MAP4K2: variants seen among roughly 807,000 people sequenced by gnomAD.
The protein encoded by MAP4K2 is B lymphocyte serine/threonine protein kinase.
In MAP4K2, 85 loss-of-function variants were observed where a neutral mutation model predicts 125.3. The ratio of observed to expected loss-of-function variants is 0.68; its 90% CI spans 0.57 to 0.81. The LOEUF (loss-of-function observed/expected upper bound fraction) is 0.81. Among genes scored for constraint, MAP4K2 ranks in the 40% least tolerant of loss-of-function variants. MAP4K2 has a pLI of 0.00. For synonymous variants in MAP4K2, 479 were observed against 445.1 expected (o/e 1.08, Z -0.96); for missense variants, 923 against 1,056.4 (o/e 0.87, Z 1.75).
chr11:64,800,023 C>CA, intron 12 of MAP4K2, 86 bp downstream of exon 12: 2 of 1,109,648 alleles, frequency 1.8e-6, no homozygotes. Flanking sequence ...GGAATGGTGC[C>CA]AGTTAAAGGA....
At chr11:64,798,413 C>T (rs1412163383) in intron 15 of MAP4K2, among the ~76,000 whole-genome samples, 1 of 152,214 alleles carries the variant, frequency 6.6e-6, no homozygotes, top group Non-Finnish European at 1.5e-5. Flanking sequence ...ATCCGCCCAC[C>T]TCGGCCTCCC....
Position 64,803,159 on chromosome 11 carries a change from C to G in MAP4K2, c.-10G>C. On this transcript the variant is annotated 5_prime_UTR_variant, in exon 1 of 32. Transcript: ENST00000294066. The stretch of plus-strand genomic sequence containing the variant: ...CCCGCAGCAGCGCCATGGCCCGGCG[C>G]CGGGCGGGCCGGCAGGCGGGCGGGC... 1.6e-6 allele frequency: 2 copies of G among 1,253,488 alleles called. No homozygotes were observed. Among genetic ancestry groups the G allele is most frequent in the Non-Finnish European group, 2.0e-6 (2 of 995,072 alleles). The allele number at this position is 1,253,488 out of a possible 1,614,324, so 77.6% of individuals were successfully genotyped here. A position where few individuals can be genotyped will look rare whatever the true frequency, so the allele number is the denominator to read the frequency against.
In MAP4K2 at chr11:64,789,525, G is replaced by A. The variant is rs752149077; in HGVS notation, c.*12C>T. The A allele has an allele frequency of 8.9e-6, 14 of 1,566,288 alleles. No individual in the cohort carries two copies. Among genetic ancestry groups the A allele is most frequent in the Middle Eastern group, 1.7e-4 (1 of 5,896 alleles). ...GGGTGGGGCGGGGAGCCCCTGGACA[G>A]GCCCGCTGCTCTTAGTAGGTGCTCT... On this transcript the variant is annotated 3_prime_UTR_variant, in exon 32 of 32. Coordinates refer to ENST00000294066, the MANE Select transcript of MAP4K2 (RefSeq NM_004579.5).
chr11:64,797,636 G>T lies in MAP4K2; in HGVS notation c.1126C>A (p.Leu376Met). ...GSLLQSVQEA[L>M]EERSLTIRSA... is the part of the protein sequence containing the mutation. Reference sequence around the variant, plus strand: ...GCCCACATCCCTCACCTTTCCTCCAGGGCCTCCTGGACCGACTGCAGCAGG... The same window carrying T: ...GCCCACATCCCTCACCTTTCCTCCATGGCCTCCTGGACCGACTGCAGCAGG... The change falls in exon 16 of 32, where the codon CTG (leucine) becomes ATG (methionine). Residue 376 changes from leucine (L) to methionine (M), a missense_variant. Leu to Met is a conservative substitution (Grantham distance 15). Transcript: ENST00000294066. The T allele has an allele frequency of 6.3e-7, 1 of 1,582,772 alleles. No individual in the cohort carries two copies. Among genetic ancestry groups the T allele is most frequent in the East Asian group, 2.3e-5 (1 of 43,466 alleles).
intron 10 of MAP4K2, 102 bp downstream of exon 10, chr11:64,800,662 G>C: frequency 6.8e-7 from 1 of 1,462,460 alleles, no homozygotes; most frequent in Admixed American, 2.0e-5. Flanking sequence ...AGCCCAGAAA[G>C]GACAGGGCTC....
intron 4 of MAP4K2, 80 bp downstream of exon 4, chr11:64,802,339 C>A (rs1941253381): frequency 1.4e-6 from 2 of 1,422,490 alleles, no homozygotes; most frequent in East Asian, 2.5e-5. Flanking sequence ...AGTCCAGGGC[C>A]CAGAGTCCCC....
rs375333253 is a variant in MAP4K2, at chr11:64,802,649, G to C, written c.159C>G (p.Asp53Glu). Residue 53 changes from aspartate to glutamate, a missense_variant, in exon 3 of 32, where the codon GAC becomes GAG. By Grantham distance (45) the Asp-to-Glu change is conservative. This residue lies in a region of MAP4K2 where 833 missense variants were observed against 911.4 expected (regional missense o/e 0.91). Transcript: ENST00000294066. The stretch of plus-strand genomic sequence containing the variant: ...TTTCCTGCTGGAGGGAGCTGATGTC[G>C]TCCCCTGGGAAGCACAAAGCATCAT... ...AVKIVKLDPG[D>E]DISSLQQEIT... The C allele has an allele frequency of 5.4e-5, 87 of 1,612,126 alleles. No homozygotes were observed. Among genetic ancestry groups the C allele is most frequent in the Non-Finnish European group, 7.0e-5 (82 of 1,179,314 alleles).
At position 64,790,424 on chromosome 11, in the gene MAP4K2, C is replaced by G; in HGVS notation, c.2131G>C (p.Asp711His). The change falls in exon 28 of 32, where the codon GAC becomes CAC. Residue 711 changes from aspartate to histidine, a missense_variant. Asp to His is a moderately conservative substitution (Grantham distance 81). This residue lies in a region of MAP4K2 where 90 missense variants were observed against 144.9 expected (regional missense o/e 0.62). Transcript: ENST00000294066. ...AAGCTGACTAGGATTGTGTCCCTGT[C>G]CACCTGGATCACCTGCTGGGCCGAG... is the stretch of plus-strand genomic sequence containing the variant. ...PGSAQQVIQV[D>H]RDTILVSFER... 2 of 1,614,130 alleles carry G rather than the reference C, an allele frequency of 1.2e-6. No homozygotes were observed. The highest frequency in any genetic ancestry group is 1.7e-6 in the Non-Finnish European group (2 of 1,180,002).
rs1240560522 is a variant in MAP4K2, at chr11:64,802,595, G to A, written c.213C>T (p.Pro71=). 6.2e-7 allele frequency: 1 copy of A among 1,611,976 alleles called. No homozygotes were observed. Among genetic ancestry groups the A allele is most frequent in the Non-Finnish European group, 8.5e-7 (1 of 1,179,212 alleles). ...AGCTGCCAATGTAGGCCACCACATT[G>A]GGGTGGCGGCACTCACGCAGGATGG... ...EITILRECRH[P]NVVAYIGSYL... The change falls in exon 3 of 32, where the codon CCC becomes CCT. Residue 71 remains proline (P), a synonymous_variant. Transcript: ENST00000294066.
intron 5 of MAP4K2, 123 bp downstream of exon 5, chr11:64,801,943 G>A (rs1565626864): frequency 6.8e-6 from 8 of 1,179,124 alleles, no homozygotes; most frequent in East Asian, 5.1e-5. Context: ...TTTTCCCCAG[G>A]ACCTACAGCC....
At position 64,787,023 on chromosome 11, in the gene MAP4K2, A is replaced by ATT. The variant is rs985438141; in HGVS notation, c.*2512_*2513dup. The stretch of plus-strand genomic sequence containing the variant: ...TTCATATTCTCCAGGATATATATAT[A>ATT]TTTTTTTCTCTTTTTTTTTTTTTTG... On this transcript the variant is annotated 3_prime_UTR_variant, in exon 32 of 32. Coordinates refer to ENST00000294066, the MANE Select transcript of MAP4K2 (RefSeq NM_004579.5). 6.3e-5 allele frequency: 8 copies of ATT among 126,876 alleles called. No homozygotes were observed. The highest frequency in any genetic ancestry group is 2.2e-4 in the African/African-American group (8 of 36,244). The allele number at this position is 126,876 out of a possible 1,614,324, so 7.9% of individuals were successfully genotyped here.
chr11:64,789,637 G>C lies in MAP4K2; in HGVS notation c.2376-13C>G. Reference sequence around the variant, plus strand: ...CAGGATGATGTCTCTGGAGGAGAGAGGAGTAGGGGGCAGGGCGGGAGACAC... The same window carrying C: ...CAGGATGATGTCTCTGGAGGAGAGACGAGTAGGGGGCAGGGCGGGAGACAC... On this transcript the variant is annotated splice_polypyrimidine_tract_variant and intron_variant, in intron 31 of 31. Coordinates refer to ENST00000294066, the MANE Select transcript of MAP4K2 (RefSeq NM_004579.5). 6.2e-7 allele frequency: 1 copy of C among 1,611,342 alleles called. No individual in the cohort carries two copies. Among genetic ancestry groups the C allele is most frequent in the Non-Finnish European group, 8.5e-7 (1 of 1,178,692 alleles).
chr11:64,791,154 T>G (rs920304785), intron 27 of MAP4K2, among the ~76,000 whole-genome samples: 2 of 152,048 alleles, frequency 1.3e-5, no homozygotes, highest in African/African-American at 2.4e-5. Context: ...AAAAAATAAA[T>G]AAAGAATAAA....
Position 64,800,845 on chromosome 11 carries a change from C to G in MAP4K2, c.663-19G>C. ...CAGGGCCCTGTGGAGGGCGCGAGGTCAGGGGCCACAGGCCGCAGATCAAGG... is the reference window on the plus strand; with the variant it reads ...CAGGGCCCTGTGGAGGGCGCGAGGTGAGGGGCCACAGGCCGCAGATCAAGG... On this transcript the variant is annotated intron_variant, in intron 9 of 31. Transcript: ENST00000294066. 2 of 1,613,572 alleles carry G rather than the reference C, an allele frequency of 1.2e-6. No homozygotes were observed. Among genetic ancestry groups the G allele is most frequent in the Non-Finnish European group, 1.7e-6 (2 of 1,179,834 alleles).
In MAP4K2 at chr11:64,786,191, A is replaced by G. The variant is rs977335734; in HGVS notation, c.*3346T>C. 1 of 152,210 alleles carries G rather than the reference A, an allele frequency of 6.6e-6. No individual in the cohort carries two copies. Among genetic ancestry groups the G allele is most frequent in the Non-Finnish European group, 1.5e-5 (1 of 68,044 alleles). 9.4% of individuals were successfully genotyped at this position (152,210 alleles called of 1,614,324 possible). A position where few individuals can be genotyped will look rare whatever the true frequency, so the allele number is the denominator to read the frequency against. On this transcript the variant is annotated 3_prime_UTR_variant, in exon 32 of 32. Transcript: ENST00000294066. ...TTGTTTTTGAGCTTTATAATATGCT[A>G]TCGTACTGTGCATAAAGTGCTGTTT...
rs369317974 is a variant in MAP4K2, at chr11:64,798,779, C to G, written c.1097+15G>C. 4 of 1,612,860 alleles carry G rather than the reference C, an allele frequency of 2.5e-6. No individual in the cohort carries two copies. The African/African-American group carries it at 5.3e-5, about 22-fold the overall frequency. ...GCCCCTGCCACCCCCTGCAGCTTCC[C>G]CATACCTCACTTACCCACTCAACTC... On this transcript the variant is annotated intron_variant, in intron 15 of 31. Transcript: ENST00000294066.
rs1940192304 is a variant in MAP4K2, at chr11:64,786,055, C to T, written c.*3482G>A. 1 of 152,208 alleles carries T rather than the reference C, an allele frequency of 6.6e-6. No individual in the cohort carries two copies. The highest frequency in any genetic ancestry group is 6.5e-5 in the Admixed American group (1 of 15,274). 9.4% of individuals were successfully genotyped at this position (152,208 alleles called of 1,614,324 possible). A position where few individuals can be genotyped will look rare whatever the true frequency, so the allele number is the denominator to read the frequency against. ...TTCCTGGGCTCCTTCCTTATCCCAT[C>T]CCACACTCCTCTCAGGGACGACCAT... On this transcript the variant is annotated 3_prime_UTR_variant, in exon 32 of 32. Coordinates refer to ENST00000294066, the MANE Select transcript of MAP4K2 (RefSeq NM_004579.5).
Position 64,792,123 on chromosome 11 carries a change from C to T in MAP4K2, c.1915-37G>A, listed in dbSNP as rs753321950. 1.9e-6 allele frequency: 3 copies of T among 1,579,162 alleles called. No individual in the cohort carries two copies. The African/African-American group carries it at 4.0e-5, about 21-fold the overall frequency. On this transcript the variant is annotated intron_variant, in intron 26 of 31. Coordinates refer to ENST00000294066, the MANE Select transcript of MAP4K2 (RefSeq NM_004579.5). ...CAGGGATGCTCAGGTCTCCATTTCT[C>T]CCCCCAGAGCTCTGAGGGTGCCCTG...
Position 64,797,516 on chromosome 11 carries a change from T to A in MAP4K2, c.1155A>T (p.Ser385=), listed in dbSNP as rs753438120. ...TGTGTGGCACCTGGAATTCTGAGGCTGACCGAATAGTCAGACTCCTGTGGG... is the reference window on the plus strand; with the variant it reads ...TGTGTGGCACCTGGAATTCTGAGGCAGACCGAATAGTCAGACTCCTGTGGG... ...ALEERSLTIR[S]ASEFQELDSP... Residue 385 remains serine (S), a synonymous_variant, in exon 17 of 32, where the codon TCA becomes TCT. Transcript: ENST00000294066. 6.4e-7 allele frequency: 1 copy of A among 1,568,312 alleles called. No individual in the cohort carries two copies. Among genetic ancestry groups the A allele is most frequent in the African/African-American group, 1.4e-5 (1 of 73,998 alleles).
Sources: allele counts gnomAD v4.1 joint callset (sites outside exome capture counted in the v4.1 genomes callset), GRCh38; gene constraint gnomAD v4.1.1; regional missense constraint gnomAD v4.1.1; transcripts MANE v1.5; gene names NCBI Gene and HGNC (gene_info 2026-07-23, HGNC 2026-07-21).